PCDHGA4: variants seen among roughly 807,000 people sequenced by gnomAD.
PCDHGA4 encodes protocadherin gamma subfamily A, 4.
A neutral mutation model predicts 54.6 loss-of-function variants in PCDHGA4; 38 were observed. The ratio of observed to expected loss-of-function variants is 0.70; its 90% confidence interval spans 0.54 to 0.91. The LOEUF (loss-of-function observed/expected upper bound fraction) is 0.91. PCDHGA4 is among the 40% of genes least tolerant of loss of function. The pLI is 0.00. For synonymous variants in PCDHGA4, 511 were observed against 512.9 expected (o/e 1.00, Z 0.05); for missense variants, 1,298 against 1,220.9 (o/e 1.06, Z -0.94).
chr5:141,498,786 A>T (rs2099785591), intron 2 of PCDHGA4, among the ~76,000 whole-genome samples: 1 of 152,050 alleles, frequency 6.6e-6, no homozygotes, highest in East Asian at 1.9e-4. Context: ...ACAAAATATT[A>T]GCCAGGTGTG....
In PCDHGA4 at chr5:141,431,509, C is replaced by T. The variant is rs774558486; in HGVS notation, c.2515-63298C>T. The T allele has an allele frequency of 3.1e-6, 5 of 1,613,992 alleles. 1 individual carries two copies. In the Admixed American group the frequency reaches 5.0e-5, roughly 16 times the overall value. On this transcript the variant is annotated intron_variant, in intron 1 of 3. Coordinates refer to ENST00000571252, the MANE Select transcript of PCDHGA4 (RefSeq NM_018917.4). This position sits in a 1 kb window ranked among gnomAD's most constrained non-coding sequence, Gnocchi z 4.8. ...TTGCTCAGCCCGAGTACCGCGCGAG[C>T]GTTCCGGAGAATCTGGCCTTGGGCA...
Position 141,486,587 on chromosome 5 carries a change from G to C in PCDHGA4, c.2515-8220G>C. 6.2e-7 allele frequency: 1 copy of C among 1,613,596 alleles called. No individual in the cohort carries two copies. The highest frequency in any genetic ancestry group is 8.5e-7 in the Non-Finnish European group (1 of 1,180,006). On this transcript the variant is annotated intron_variant, in intron 1 of 3. Transcript: ENST00000571252. The surrounding 1 kb of genome is among the most constrained non-coding windows in gnomAD (Gnocchi z 5.0). ...TGTTCCTGAGAACAATCGCCCAGGG[G>C]ACCTGCTTTGCTCCCTTGCAGCCTC...
At chr5:141,421,878 T>C (rs1364225081) in intron 1 of PCDHGA4, 1 of 1,613,612 alleles carries the variant, frequency 6.2e-7, no homozygotes, top group African/African-American at 1.3e-5. Context: ...CAGCTTTAGA[T>C]GGAGGCGATC....
rs1239203203 is a variant in PCDHGA4 at position 141,403,933 on chromosome 5, G to T, written c.2514+46312G>T. 1.7e-5 allele frequency: 27 copies of T among 1,613,792 alleles called. No homozygotes were observed. The highest frequency in any genetic ancestry group is 1.6e-4 in the African/African-American group (12 of 74,902). ...TACAAGCTGAAGATGGTGGGGGATT[G>T]AAAGGGTGGACAAAAGTGCTCATTT... On this transcript the variant is annotated intron_variant, in intron 1 of 3. Transcript: ENST00000571252.
chr5:141,396,695 T>G (rs920549434), intron 1 of PCDHGA4: 1 of 152,226 alleles, frequency 6.6e-6, no homozygotes, highest in Non-Finnish European at 1.5e-5. Context: ...CATACCTTCT[T>G]GTAGCATTTG....
At chr5:141,499,136 G>A (rs1488844131) in intron 2 of PCDHGA4, among the ~76,000 whole-genome samples, 1 of 152,100 alleles carries the variant, frequency 6.6e-6, no homozygotes, top group Non-Finnish European at 1.5e-5. Flanking sequence ...CATCCTTTGG[G>A]TGTCTGATCC....
In PCDHGA4 at chr5:141,432,373, G is replaced by T; in HGVS notation, c.2515-62434G>T. ...TGAAAGTGATGGCGCGGGACAACGG[G>T]CACCCGCCCCTCAGCAGCAACGTGT... is the stretch of plus-strand genomic sequence containing the variant. On this transcript the variant is annotated intron_variant, in intron 1 of 3. Coordinates refer to ENST00000571252, the MANE Select transcript of PCDHGA4 (RefSeq NM_018917.4). This position sits in a 1 kb window ranked among gnomAD's most constrained non-coding sequence, Gnocchi z 6.0. The T allele has an allele frequency of 6.2e-7, 1 of 1,614,206 alleles. No homozygotes were observed. The highest frequency in any genetic ancestry group is 1.1e-5 in the South Asian group (1 of 91,082).
intron 1 of PCDHGA4, among the ~76,000 whole-genome samples, chr5:141,484,138 G>A (rs184277779): frequency 6.6e-6 from 1 of 152,244 alleles, no homozygotes; most frequent in Admixed American, 6.5e-5. Context: ...TCAGATAAAG[G>A]GAATTTGTAG....
At position 141,431,303 on chromosome 5, in the gene PCDHGA4, G is replaced by T. The variant is rs777784010; in HGVS notation, c.2515-63504G>T. The T allele has an allele frequency of 1.2e-6, 2 of 1,614,060 alleles. No homozygotes were observed. Among genetic ancestry groups the T allele is most frequent in the Non-Finnish European group, 1.7e-6 (2 of 1,180,038 alleles). On this transcript the variant is annotated intron_variant, in intron 1 of 3. Coordinates refer to ENST00000571252, the MANE Select transcript of PCDHGA4 (RefSeq NM_018917.4). The surrounding 1 kb of genome is among the most constrained non-coding windows in gnomAD (Gnocchi z 4.8). ...CCCGAACACTCACTTCTCCCTCATC[G>T]TGCAAAATGGAGCCGACGGTAGTAA...
chr5:141,499,572 T>C (rs2099792782), intron 2 of PCDHGA4, among the ~76,000 whole-genome samples: 1 of 152,178 alleles, frequency 6.6e-6, no homozygotes, highest in Admixed American at 6.5e-5. Flanking sequence ...CAGCTTCAAC[T>C]AATGCCTTAT....
At chr5:141,427,722 G>C (rs755543438) in intron 1 of PCDHGA4, 7 of 1,120,986 alleles carry the variant, frequency 6.2e-6, no homozygotes, top group Non-Finnish European at 9.3e-6. Context: ...CCTGGACCTA[G>C]GGCTGAATGG....
rs768560315 is a variant in PCDHGA4, at chr5:141,357,355, TG to T, written c.2250del (p.Trp750CysfsTer50). On this transcript the variant is annotated frameshift_variant, in exon 1 of 4. Coordinates refer to ENST00000571252, the MANE Select transcript of PCDHGA4 (RefSeq NM_018917.4). LOFTEE classifies it high-confidence loss of function. ...TVLLALKLRR[W>X]HKSRLLHAEG... ...GCTGCTAGCACTCAAGCTGAGACGC[TG>T]GCACAAGTCACGCCTGCTTCACGCT... The T allele has an allele frequency of 8.7e-6, 14 of 1,614,154 alleles. No individual in the cohort carries two copies. In the South Asian group the frequency reaches 1.4e-4, roughly 16 times the overall value.
intron 1 of PCDHGA4, among the ~76,000 whole-genome samples, chr5:141,469,599 A>G (rs2099206392): frequency 6.6e-6 from 1 of 152,192 alleles, no homozygotes; most frequent in Non-Finnish European, 1.5e-5. Flanking sequence ...ATAAAACAAA[A>G]TAAGTAAAAT....
Position 141,431,248 on chromosome 5 carries a change from G to A in PCDHGA4, c.2515-63559G>A. ...CCCACGCCTGGGATCCGGATATCGGGAAGAACTCTCTGCAGAGCTACGAGC... is the reference window on the plus strand; with the variant it reads ...CCCACGCCTGGGATCCGGATATCGGAAAGAACTCTCTGCAGAGCTACGAGC... On this transcript the variant is annotated intron_variant, in intron 1 of 3. Transcript: ENST00000571252. This position sits in a 1 kb window ranked among gnomAD's most constrained non-coding sequence, Gnocchi z 4.8. 2 of 1,614,140 alleles carry A rather than the reference G, an allele frequency of 1.2e-6. No homozygotes were observed. Among genetic ancestry groups the A allele is most frequent in the Non-Finnish European group, 1.7e-6 (2 of 1,180,048 alleles).
intron 1 of PCDHGA4, among the ~76,000 whole-genome samples, chr5:141,386,628 C>A (rs529516653): frequency 2.0e-5 from 3 of 151,780 alleles, no homozygotes; most frequent in Non-Finnish European, 4.4e-5. Flanking sequence ...CTCGCTCTGT[C>A]ACCCAGGCTG....
chr5:141,383,433 C>T, intron 1 of PCDHGA4: 1 of 1,613,986 alleles, frequency 6.2e-7, no homozygotes, highest in East Asian at 2.2e-5. Context: ...ATCGCCACTT[C>T]TCCCTGGCTG....
intron 1 of PCDHGA4, chr5:141,399,067 G>A (rs774399021): frequency 4.3e-6 from 7 of 1,613,834 alleles, no homozygotes; most frequent in African/African-American, 1.3e-5. Context: ...ATATTCAATG[G>A]TTGTAGAAGG....
At chr5:141,372,221 G>T (rs1229058896) in intron 1 of PCDHGA4, 1 of 1,613,516 alleles carries the variant, frequency 6.2e-7, no homozygotes, top group African/African-American at 1.3e-5. Context: ...ACCACATTGT[G>T]CAGGCCAGCG....
At chr5:141,371,720 C>T in intron 1 of PCDHGA4, 1 of 1,614,070 alleles carries the variant, frequency 6.2e-7, no homozygotes, top group Non-Finnish European at 8.5e-7. Context: ...CTCTGCACAT[C>T]CTTGATGTCA....
Sources: gnomAD v4.1 joint callset for allele counts (sites outside exome capture counted in the v4.1 genomes callset) on GRCh38, gnomAD v4.1.1 for gene constraint, Gnocchi (gnomAD v3.1) non-coding constraint, MANE v1.5 for transcripts, NCBI Gene and HGNC (gene_info 2026-07-23, HGNC 2026-07-21) for gene names.